The following PDE6A variants were observed in gnomAD, a reference collection of about 807,000 sequenced individuals.
PDE6A encodes the protein phosphodiesterase 6A.
PDE6A carries 84 observed loss-of-function variants against 106.3 expected under a neutral mutation model. The ratio of observed to expected loss-of-function variants is 0.79; its 90% CI spans 0.66 to 0.95. The LOEUF (loss-of-function observed/expected upper bound fraction) is 0.95. Ranked by LOEUF, PDE6A falls within the 40% of genes least tolerant of loss-of-function variation. PDE6A has a pLI of 0.00. For missense variants in PDE6A, 1,052 were observed against 1,084.9 expected (o/e 0.97, Z 0.43); for synonymous variants, 394 against 386.6 (o/e 1.02, Z -0.23).
intron 1 of PDE6A, among the ~76,000 whole-genome samples, chr5:149,936,802 C>A (rs1409999575): frequency 6.6e-6 from 1 of 152,138 alleles, no homozygotes; most frequent in Non-Finnish European, 1.5e-5. Context: ...TACTTTTGCA[C>A]CAACTTATAT....
chr5:149,912,894 C>T (rs1018274110), intron 6 of PDE6A, among the ~76,000 whole-genome samples: 1 of 151,990 alleles, frequency 6.6e-6, no homozygotes, highest in Non-Finnish European at 1.5e-5. Context: ...TGAATGTTAT[C>T]AGAAGCTAGT....
intron 9 of PDE6A, 73 bp from the exon 10 acceptor site, chr5:149,898,579 G>C: frequency 1.4e-6 from 2 of 1,470,016 alleles, no homozygotes; most frequent in Non-Finnish European, 1.9e-6. Context: ...CTCATAGCAA[G>C]AGTCTCTAGG....
chr5:149,928,231 A>ATAT lies in PDE6A; in HGVS notation c.858+2796_858+2797insATA. The stretch of plus-strand genomic sequence containing the variant: ...GTGCTATATATATATATATATATAT[A>ATAT]TTTTTTTTTTTTTTTTTTTTGAGAC... On this transcript the variant is annotated intron_variant, in intron 4 of 21. Transcript: ENST00000255266. Among the ~76,000 whole-genome samples, 12 of 19,748 alleles carry ATAT rather than the reference A, an allele frequency of 6.1e-4. 2 individuals are homozygous for ATAT. The highest frequency in any genetic ancestry group is 3.8e-3 in the African/African-American group (8 of 2,094). 13.0% of individuals were successfully genotyped at this position (19,748 alleles called of 152,430 possible).
chr5:149,863,812 C>T lies in PDE6A; in HGVS notation c.2359-546G>A, dbSNP rs889782911. Among the ~76,000 whole-genome samples the T allele has an allele frequency of 3.3e-5, 5 of 151,976 alleles. No homozygotes were observed. Among genetic ancestry groups the T allele is most frequent in the African/African-American group, 9.7e-5 (4 of 41,382 alleles). ...GTAATTTTTTTTATTTTTGTAGATA[C>T]AGGGTCTCCCTATGTTGCCTAGGCT... On this transcript the variant is annotated intron_variant, in intron 20 of 21. Coordinates refer to ENST00000255266, the MANE Select transcript of PDE6A (RefSeq NM_000440.3). The surrounding 1 kb of genome is among the most constrained non-coding windows in gnomAD (Gnocchi z 4.7).
intron 8 of PDE6A, among the ~76,000 whole-genome samples, chr5:149,903,141 C>A (rs1753042868): frequency 1.0e-5 from 1 of 96,958 alleles, no homozygotes; most frequent in Non-Finnish European, 2.1e-5. Flanking sequence ...AGAGTGAGAC[C>A]CTCTCTAAAA....
chr5:149,940,505 C>CATTTTTTTTTTTT (rs1754299174), intron 1 of PDE6A, among the ~76,000 whole-genome samples: 1 of 142,016 alleles, frequency 7.0e-6, no homozygotes, highest in Non-Finnish European at 1.5e-5. Context: ...TGTTTGAATC[C>CATTTTTTTTTTTT]TTTTTTTTTT....
intron 13 of PDE6A, among the ~76,000 whole-genome samples, chr5:149,894,629 A>ATTTTTTTT (rs10657525): frequency 1.9e-4 from 21 of 113,034 alleles, no homozygotes; most frequent in South Asian, 9.0e-4. Flanking sequence ...GAACTGTTGA[A>ATTTTTTTT]TTTTTTTTTT....
intron 8 of PDE6A, among the ~76,000 whole-genome samples, chr5:149,902,994 G>A (rs1315907366): frequency 6.6e-6 from 1 of 151,490 alleles, no homozygotes; most frequent in East Asian, 1.9e-4. Flanking sequence ...AAGCAAAGGT[G>A]CTGAGGCCAG....
At chr5:149,896,683 G>A (rs1169844839) in intron 11 of PDE6A, 28 bp downstream of exon 11, 2 of 1,614,036 alleles carry the variant, frequency 1.2e-6, no homozygotes, top group South Asian at 1.1e-5. Context: ...TTATACATCG[G>A]GGCTCGTGCT....
rs557840188 is a variant in PDE6A, at chr5:149,875,833, A to G, written c.2135+7596T>C. 4.3e-4 allele frequency among the ~76,000 whole-genome samples: 65 copies of G among 152,276 alleles called. 1 individual carries two copies. In the South Asian group the frequency reaches 8.5e-3, roughly 20 times the overall value. ...ATTTGTTACATCATTCTTTACCCAC[A>G]ATAAAAGCACATGAGCAAGCTTTTC... On this transcript the variant is annotated intron_variant, in intron 17 of 21. Coordinates refer to ENST00000255266, the MANE Select transcript of PDE6A (RefSeq NM_000440.3).
At chr5:149,908,035 GC>G (rs1753256353) in intron 6 of PDE6A, among the ~76,000 whole-genome samples, 1 of 152,056 alleles carries the variant, frequency 6.6e-6, no homozygotes, top group East Asian at 1.9e-4. Context: ...TTGCATTTTT[GC>G]TTTTTTGTAG....
At chr5:149,936,158 A>AGG (rs1554092686) in intron 1 of PDE6A, among the ~76,000 whole-genome samples, 9 of 130,728 alleles carry the variant, frequency 6.9e-5, no homozygotes, top group African/African-American at 2.6e-4. Context: ...TGTCTCTAAA[A>AGG]AAGGAAGGAA....
At chr5:149,906,614 T>A (rs186324728) in intron 7 of PDE6A, among the ~76,000 whole-genome samples, 58 of 150,672 alleles carry the variant, frequency 3.8e-4, no homozygotes, top group Non-Finnish European at 6.9e-4. Flanking sequence ...CATGTTTTGC[T>A]GTCTTCCTGT....
chr5:149,879,710 A>G (rs1008395034), intron 17 of PDE6A, among the ~76,000 whole-genome samples: 10 of 151,640 alleles, frequency 6.6e-5, no homozygotes, highest in Admixed American at 6.6e-4. Flanking sequence ...TTTACTGAGA[A>G]TGATGATTTC....
intron 4 of PDE6A, among the ~76,000 whole-genome samples, chr5:149,926,665 A>C (rs1376649663): frequency 1.3e-5 from 2 of 152,230 alleles, no homozygotes; most frequent in Non-Finnish European, 2.9e-5. Flanking sequence ...ACTTATATTC[A>C]TAAAAACACA....
intron 20 of PDE6A, among the ~76,000 whole-genome samples, chr5:149,864,737 G>A (rs763128660): frequency 2.0e-5 from 3 of 152,202 alleles, no homozygotes; most frequent in African/African-American, 4.8e-5. Flanking sequence ...GGCCCGCTGT[G>A]AAGTGCCAGA....
intron 1 of PDE6A, among the ~76,000 whole-genome samples, chr5:149,943,671 G>A (rs1754379258): frequency 6.7e-6 from 1 of 149,266 alleles, no homozygotes; most frequent in Non-Finnish European, 1.5e-5. Context: ...TCATTGTACT[G>A]TGGATAGGTA....
intron 13 of PDE6A, 55 bp downstream of exon 13, chr5:149,895,128 A>T: frequency 1.0e-6 from 1 of 985,126 alleles, no homozygotes; most frequent in Non-Finnish European, 1.7e-6. Context: ...AGTCTGCATG[A>T]GATTGTCTAG....
At chr5:149,889,417 T>TTTTA (rs1227847870) in intron 13 of PDE6A, among the ~76,000 whole-genome samples, 2 of 151,876 alleles carry the variant, frequency 1.3e-5, no homozygotes, top group East Asian at 1.9e-4. Context: ...CTTTCTGTAT[T>TTTTA]TTTATTTATT....
Sources: allele counts gnomAD v4.1 joint callset (sites outside exome capture counted in the v4.1 genomes callset), GRCh38; gene constraint gnomAD v4.1.1; non-coding constraint Gnocchi (gnomAD v3.1); transcripts MANE v1.5; gene names NCBI Gene and HGNC (gene_info 2026-07-23, HGNC 2026-07-21).